The following KAT6B variants were observed in gnomAD, a reference collection of about 807,000 sequenced individuals.
The protein encoded by KAT6B is lysine acetyltransferase 6B, also known as histone acetyltransferase KAT6B.
In KAT6B, 10 loss-of-function variants were observed where a neutral mutation model predicts 187.5. That is an observed-to-expected ratio of 0.05 (90% CI 0.03 to 0.09). KAT6B has a LOEUF of 0.09. Ranked by LOEUF, KAT6B falls within the 10% of genes least tolerant of loss-of-function variation. The pLI, the probability that KAT6B is intolerant of heterozygous loss-of-function variation, is 1.00. For synonymous variants in KAT6B, 861 were observed against 926.8 expected (o/e 0.93, Z 1.29); for missense variants, 1,952 against 2,558.9 (o/e 0.76, Z 5.12).
At chr10:74,933,730 G>T (rs950260541) in intron 3 of KAT6B, among the ~76,000 whole-genome samples, 2 of 152,078 alleles carry the variant, frequency 1.3e-5, no homozygotes, top group East Asian at 3.9e-4. Context: ...TCTTCGCTGA[G>T]GATAACAATG....
At chr10:74,886,066 C>G (rs1278638722) in intron 3 of KAT6B, among the ~76,000 whole-genome samples, 2 of 152,134 alleles carry the variant, frequency 1.3e-5, no homozygotes, top group African/African-American at 4.8e-5. Context: ...GCTTAGAGCA[C>G]AGAATGCCAA....
At position 75,029,121 on chromosome 10, in the gene KAT6B, C is replaced by T. The variant is rs752143830; in HGVS notation, c.4297C>T (p.His1433Tyr). The T allele has an allele frequency of 1.9e-6, 3 of 1,614,164 alleles. No individual in the cohort carries two copies. Among genetic ancestry groups the T allele is most frequent in the South Asian group, 2.2e-5 (2 of 91,080 alleles). The change falls in exon 18 of 18, where the codon CAC (histidine) becomes TAC (tyrosine). Residue 1433 changes from histidine (H) to tyrosine (Y), a missense_variant. His to Tyr is a moderately conservative substitution (Grantham distance 83). Coordinates refer to ENST00000287239, the MANE Select transcript of KAT6B (RefSeq NM_012330.4). This position sits in a 1 kb window ranked among gnomAD's most constrained non-coding sequence, Gnocchi z 6.2. ...TGATGCCGATGACGAGGATGACAGC[C>T]ACATGGAGTCTGCCGAAGTGGAGAA... ...DHDADDEDDSHMESAEVEKEE... is the reference protein window; with the variant it reads ...DHDADDEDDSYMESAEVEKEE...
At chr10:74,909,492 C>T (rs938377307) in intron 3 of KAT6B, among the ~76,000 whole-genome samples, 2 of 152,212 alleles carry the variant, frequency 1.3e-5, no homozygotes, top group African/African-American at 2.4e-5. Context: ...GGATAGCAGG[C>T]AGAACTCCTC....
At chr10:75,011,160 T>C (rs1348959349) in intron 13 of KAT6B, among the ~76,000 whole-genome samples, 2 of 152,098 alleles carry the variant, frequency 1.3e-5, no homozygotes, top group Non-Finnish European at 2.9e-5. Flanking sequence ...ATTTCAATTG[T>C]GTTATTTTCT....
chr10:74,998,983 A>T (rs1008869544), intron 13 of KAT6B, among the ~76,000 whole-genome samples: 1 of 152,250 alleles, frequency 6.6e-6, no homozygotes, highest in Non-Finnish European at 1.5e-5. Context: ...TGGCTTTCAA[A>T]ATTATATATG....
chr10:74,938,232 T>C (rs995376239), intron 3 of KAT6B, among the ~76,000 whole-genome samples: 1 of 152,190 alleles, frequency 6.6e-6, no homozygotes, highest in Non-Finnish European at 1.5e-5. Flanking sequence ...TGCAGGATTT[T>C]GGCCCCATCC....
intron 7 of KAT6B, 122 bp from the exon 8 acceptor site, chr10:74,975,277 C>CA (rs1842079078): frequency 1.2e-6 from 1 of 809,330 alleles, no homozygotes; most frequent in Non-Finnish European, 2.0e-6. Flanking sequence ...GTGGCACACA[C>CA]AAAAAATACA....
chr10:74,990,561 G>A (rs1470525092), intron 13 of KAT6B, among the ~76,000 whole-genome samples: 1 of 152,066 alleles, frequency 6.6e-6, no homozygotes, highest in Non-Finnish European at 1.5e-5. Context: ...AATATTTTTA[G>A]TTATTTATTA....
intron 3 of KAT6B, among the ~76,000 whole-genome samples, chr10:74,937,402 C>T (rs1473033723): frequency 2.6e-5 from 4 of 152,200 alleles, no homozygotes; most frequent in African/African-American, 9.6e-5. Context: ...TTACCCAAAG[C>T]TAGACTGTCT....
intron 13 of KAT6B, among the ~76,000 whole-genome samples, chr10:74,991,639 C>G (rs1285154545): frequency 6.6e-6 from 1 of 152,066 alleles, no homozygotes; most frequent in Non-Finnish European, 1.5e-5. Context: ...TTTTTCTTTT[C>G]TCTTTCCTGT....
At chr10:74,983,549 C>T (rs1402340666) in intron 11 of KAT6B, 1 of 152,238 alleles carries the variant, frequency 6.6e-6, no homozygotes, top group Admixed American at 6.5e-5. Flanking sequence ...CCAACCAAAA[C>T]ATTGTTTCTC....
intron 3 of KAT6B, among the ~76,000 whole-genome samples, chr10:74,938,111 G>C (rs1849392841): frequency 1.3e-5 from 2 of 152,138 alleles, no homozygotes; most frequent in Non-Finnish European, 2.9e-5. Context: ...TCACCTGGCT[G>C]TTTCGTTGTT....
At chr10:74,999,315 C>T (rs992593640) in intron 13 of KAT6B, among the ~76,000 whole-genome samples, 6 of 152,192 alleles carry the variant, frequency 3.9e-5, no homozygotes, top group Admixed American at 1.3e-4. Context: ...TGGATGTCTA[C>T]GTGCACTTTG....
rs549387533 is a variant in KAT6B at position 74,991,848 on chromosome 10, T to C, written c.2629+2736T>C. On this transcript the variant is annotated intron_variant, in intron 13 of 17. Transcript: ENST00000287239. The stretch of plus-strand genomic sequence containing the variant: ...AAAGAATTTCTTGGCTATAAAAGTT[T>C]TAAGGAAGATAGAGTAGGCTGCTGA... Among the ~76,000 whole-genome samples, 3 of 152,310 alleles carry C rather than the reference T, an allele frequency of 2.0e-5. 1 individual carries two copies. Among genetic ancestry groups the C allele is most frequent in the African/African-American group, 7.2e-5 (3 of 41,570 alleles).
At chr10:74,926,858 A>G (rs1210235159) in intron 3 of KAT6B, among the ~76,000 whole-genome samples, 1 of 152,232 alleles carries the variant, frequency 6.6e-6, no homozygotes, top group East Asian at 1.9e-4. Flanking sequence ...CCCAGGAAAC[A>G]GCTGAAGGAG....
Position 74,859,426 on chromosome 10 carries a change from T to A in KAT6B, c.621+15948T>A, listed in dbSNP as rs574311633. 3.6e-3 allele frequency among the ~76,000 whole-genome samples: 543 copies of A among 152,308 alleles called. 1 individual carries two copies. The highest frequency in any genetic ancestry group is 0.012 in the African/African-American group (512 of 41,564). On this transcript the variant is annotated intron_variant, in intron 3 of 17. Transcript: ENST00000287239. ...ATTAGAACCCTCAATCAGAGAAGTC[T>A]AAATAGGCTGAAAAAGAAACTCATT... is the stretch of plus-strand genomic sequence containing the variant.
intron 13 of KAT6B, among the ~76,000 whole-genome samples, chr10:74,994,300 A>G (rs904244254): frequency 2.6e-5 from 4 of 152,138 alleles, no homozygotes; most frequent in African/African-American, 7.2e-5. Flanking sequence ...ATTGTCCCAG[A>G]TTTATTTATC....
chr10:75,002,760 A>C (rs1025831160), intron 13 of KAT6B, among the ~76,000 whole-genome samples: 2 of 152,230 alleles, frequency 1.3e-5, no homozygotes, highest in African/African-American at 4.8e-5. Context: ...ACTACCATTG[A>C]ATATGTGGTC....
chr10:74,964,164 G>C (rs1294511386), intron 4 of KAT6B, among the ~76,000 whole-genome samples: 2 of 151,968 alleles, frequency 1.3e-5, no homozygotes, highest in African/African-American at 4.8e-5. Context: ...AAGCAGAAAA[G>C]ATTGGGGGTT....
Sources: gnomAD v4.1 joint callset for allele counts (sites outside exome capture counted in the v4.1 genomes callset) on GRCh38, gnomAD v4.1.1 for gene constraint, Gnocchi (gnomAD v3.1) non-coding constraint, MANE v1.5 for transcripts, NCBI Gene and HGNC (gene_info 2026-07-23, HGNC 2026-07-21) for gene names.